The following FAM135B variants were observed in gnomAD, a reference collection of about 807,000 sequenced individuals.
FAM135B encodes the protein family with sequence similarity 135 member B.
In FAM135B, 43 loss-of-function variants were observed where a neutral mutation model predicts 127.7. That is an observed-to-expected ratio of 0.34 (90% CI 0.26 to 0.43). FAM135B has a LOEUF of 0.43. Among genes scored for constraint, FAM135B ranks in the 20% least tolerant of loss-of-function variants. The pLI, the probability that FAM135B is intolerant of heterozygous loss-of-function variation, is 1.00. For missense variants in FAM135B, 1,558 were observed against 1,725.6 expected, an observed-to-expected ratio of 0.90 and a Z score of 1.72; for synonymous variants, 670 against 665.1, an observed-to-expected ratio of 1.01 and a Z score of -0.11.
intron 2 of FAM135B, among the ~76,000 whole-genome samples, chr8:138,329,319 G>C (rs1382108061): frequency 6.6e-6 from 1 of 152,172 alleles, no homozygotes; most frequent in Non-Finnish European, 1.5e-5. Flanking sequence ...TCTCTTTTGA[G>C]AATAAACCAT....
At chr8:138,296,213 AC>A (rs1825470789) in intron 3 of FAM135B, among the ~76,000 whole-genome samples, 1 of 152,042 alleles carries the variant, frequency 6.6e-6, no homozygotes. Context: ...TTATCTGCCC[AC>A]CCCTGAATGT....
intron 2 of FAM135B, among the ~76,000 whole-genome samples, chr8:138,360,689 C>T (rs1305533841): frequency 6.6e-6 from 1 of 152,204 alleles, no homozygotes; most frequent in Non-Finnish European, 1.5e-5. Context: ...CAAGTGCTGA[C>T]ACCTCGGTCC....
chr8:138,435,585 T>C (rs571794569), intron 1 of FAM135B, among the ~76,000 whole-genome samples: 2 of 152,338 alleles, frequency 1.3e-5, no homozygotes, highest in Non-Finnish European at 2.9e-5. Flanking sequence ...TCAAATACAA[T>C]AGCAATATCT....
intron 1 of FAM135B, among the ~76,000 whole-genome samples, chr8:138,451,131 G>C (rs1836458114): frequency 6.6e-6 from 1 of 152,138 alleles, no homozygotes; most frequent in Admixed American, 6.5e-5. Context: ...CAATGGGATA[G>C]CCTTGACCAA....
chr8:138,292,008 T>G (rs1270225022), intron 3 of FAM135B, among the ~76,000 whole-genome samples: 1 of 152,056 alleles, frequency 6.6e-6, no homozygotes, highest in East Asian at 1.9e-4. Flanking sequence ...CATGATCTCA[T>G]ATACAGAGAA....
chr8:138,282,975 A>G (rs1420209468), intron 3 of FAM135B, among the ~76,000 whole-genome samples: 2 of 150,716 alleles, frequency 1.3e-5, no homozygotes, highest in Non-Finnish European at 3.0e-5. Context: ...ATCTCGGCTT[A>G]CTGCAACCTC....
intron 1 of FAM135B, among the ~76,000 whole-genome samples, chr8:138,384,841 GC>G (rs1391433020): frequency 6.6e-6 from 1 of 151,836 alleles, no homozygotes; most frequent in Non-Finnish European, 1.5e-5. Flanking sequence ...CTGCATCTCT[GC>G]TACTCTTCTT....
At chr8:138,166,443 A>G (rs971517959) in intron 12 of FAM135B, among the ~76,000 whole-genome samples, 18 of 152,220 alleles carry the variant, frequency 1.2e-4, no homozygotes, top group Admixed American at 7.2e-4. Flanking sequence ...ACACACAAAC[A>G]TGTGATCTTT....
intron 12 of FAM135B, among the ~76,000 whole-genome samples, chr8:138,162,126 G>A (rs1362762827): frequency 3.3e-5 from 5 of 152,218 alleles, no homozygotes; most frequent in Non-Finnish European, 7.3e-5. Flanking sequence ...TAGGAGGAGG[G>A]AAAGTGAGTA....
chr8:138,130,639 C>A lies in FAM135B; in HGVS notation c.*1954G>T, dbSNP rs1037163527. On this transcript the variant is annotated 3_prime_UTR_variant, in exon 20 of 20. Coordinates refer to ENST00000395297, the MANE Select transcript of FAM135B (RefSeq NM_015912.4). The stretch of plus-strand genomic sequence containing the variant: ...CACTCATCAGAGGGACAGGGCCCAT[C>A]ATTTGGCCAGAAAGGAGAAGCTGCT... The A allele has an allele frequency of 6.6e-6, 1 of 152,226 alleles. No homozygotes were observed. The highest frequency in any genetic ancestry group is 2.4e-5 in the African/African-American group (1 of 41,438). The allele number at this position is 152,226 out of a possible 1,614,324, so 9.4% of individuals were successfully genotyped here. A position where few individuals can be genotyped will look rare whatever the true frequency, so the allele number is the denominator to read the frequency against.
At chr8:138,340,507 G>A (rs1228400982) in intron 2 of FAM135B, among the ~76,000 whole-genome samples, 5 of 152,148 alleles carry the variant, frequency 3.3e-5, no homozygotes, top group Admixed American at 6.5e-5. Context: ...GAGAGAGGAT[G>A]ATGGGTCCTG....
intron 2 of FAM135B, among the ~76,000 whole-genome samples, chr8:138,313,225 G>T (rs1410631124): frequency 2.6e-5 from 4 of 152,036 alleles, no homozygotes; most frequent in Non-Finnish European, 5.9e-5. Flanking sequence ...TCCGTCTCCC[G>T]GGTTCAAGTG....
chr8:138,189,534 A>G (rs371762516), intron 9 of FAM135B, among the ~76,000 whole-genome samples: 9 of 152,328 alleles, frequency 5.9e-5, no homozygotes, highest in African/African-American at 1.9e-4. Context: ...TGGCAAAGCT[A>G]AAAGAGCACT....
intron 7 of FAM135B, among the ~76,000 whole-genome samples, chr8:138,229,485 C>A (rs1819744089): frequency 6.6e-6 from 1 of 152,128 alleles, no homozygotes. Flanking sequence ...GTAGGTTAGA[C>A]AGTGCTGAAG....
In FAM135B at chr8:138,242,165, TTGTGTGTGTGTG is replaced by T. The variant is rs55837421; in HGVS notation, c.669+765_669+776del. Among the ~76,000 whole-genome samples, 4,543 of 130,060 alleles carry T rather than the reference TTGTGTGTGTGTG, an allele frequency of 0.035. 131 individuals are homozygous for T. Among genetic ancestry groups the T allele is most frequent in the African/African-American group, 0.085 (2,913 of 34,098 alleles). The allele number at this position is 130,060 out of a possible 152,430, so 85.3% of individuals were successfully genotyped here. Reference sequence around the variant, plus strand: ...AGTCAATTACTTATGATAAATCTCTTTGTGTGTGTGTGTGTGTGTGTGTGTGTGTGTGTGTGT... The same window carrying T: ...AGTCAATTACTTATGATAAATCTCTTTGTGTGTGTGTGTGTGTGTGTGTGT... On this transcript the variant is annotated intron_variant, in intron 7 of 19. Transcript: ENST00000395297. The surrounding 1 kb of genome is among the most constrained non-coding windows in gnomAD (Gnocchi z 9.6).
At chr8:138,446,266 G>A (rs1467686325) in intron 1 of FAM135B, among the ~76,000 whole-genome samples, 1 of 152,134 alleles carries the variant, frequency 6.6e-6, no homozygotes, top group East Asian at 1.9e-4. Flanking sequence ...TCCCCATCAA[G>A]CTACCAATGA....
intron 2 of FAM135B, among the ~76,000 whole-genome samples, chr8:138,341,158 A>G (rs1829021425): frequency 1.3e-5 from 2 of 152,234 alleles, no homozygotes; most frequent in South Asian, 4.1e-4. Context: ...GGTAGAAGCA[A>G]CACAAATGTC....
Position 138,285,817 on chromosome 8 carries a change from A to G in FAM135B, c.158-19975T>C, listed in dbSNP as rs1165921558. ...TACTGCAGAATGTTTGCTCAGGTGA[A>G]GCTTTCGAACAGGATTTAGGTGAAA... On this transcript the variant is annotated intron_variant, in intron 3 of 19. Coordinates refer to ENST00000395297, the MANE Select transcript of FAM135B (RefSeq NM_015912.4). Among the ~76,000 whole-genome samples, 4 of 152,344 alleles carry G rather than the reference A, an allele frequency of 2.6e-5. No individual in the cohort carries two copies. In the East Asian group the frequency reaches 7.7e-4, roughly 29 times the overall value.
intron 13 of FAM135B, among the ~76,000 whole-genome samples, chr8:138,149,828 G>A (rs1322608083): frequency 1.3e-5 from 2 of 152,038 alleles, no homozygotes; most frequent in African/African-American, 2.4e-5. Flanking sequence ...TATTTACCCA[G>A]TCACTGCCCT....
Sources: allele counts gnomAD v4.1 joint callset (sites outside exome capture counted in the v4.1 genomes callset), GRCh38; gene constraint gnomAD v4.1.1; non-coding constraint Gnocchi (gnomAD v3.1); transcripts MANE v1.5; gene names NCBI Gene and HGNC (gene_info 2026-07-23, HGNC 2026-07-21).